Variants in SYT17 observed in about 807,000 individuals in gnomAD.
The protein encoded by SYT17 is synaptotagmin 17.
Under a neutral mutation model 46.7 loss-of-function variants are expected in SYT17, and 22 were observed. That is an observed-to-expected ratio of 0.47 (90% CI 0.34 to 0.67). The LOEUF (loss-of-function observed/expected upper bound fraction) is 0.67, where lower values mean the gene tolerates loss of function less well. Ranked by LOEUF, SYT17 falls within the 30% of genes least tolerant of loss-of-function variation. SYT17 has a pLI of 0.01. For missense variants in SYT17, 519 were observed against 612.8 expected, an observed-to-expected ratio of 0.85 and a Z score of 1.62; for synonymous variants, 251 against 248.4, an observed-to-expected ratio of 1.01 and a Z score of -0.10.
At chr16:19,238,399 G>T (rs1966878292) in intron 7 of SYT17, among the ~76,000 whole-genome samples, 1 of 152,196 alleles carries the variant, frequency 6.6e-6, no homozygotes, top group Non-Finnish European at 1.5e-5. Context: ...TAGCCAGGCG[G>T]TCAGGAGATA....
rs528014728 is a variant in SYT17 at position 19,180,715 on chromosome 16, C to G, written c.331+176C>G. ...GGTGTGACAGAGGAGGGCATCACACCTGATTGCTGCTGAGTTTAATCAAAA... is the reference window on the plus strand; with the variant it reads ...GGTGTGACAGAGGAGGGCATCACACGTGATTGCTGCTGAGTTTAATCAAAA... On this transcript the variant is annotated intron_variant, in intron 4 of 7. Coordinates refer to ENST00000355377, the MANE Select transcript of SYT17 (RefSeq NM_016524.4). Among the ~76,000 whole-genome samples, 5 of 152,240 alleles carry G rather than the reference C, an allele frequency of 3.3e-5. No homozygotes were observed. In the South Asian group the frequency reaches 1.0e-3, roughly 32 times the overall value.
chr16:19,264,306 G>A (rs1048571952), intron 7 of SYT17, among the ~76,000 whole-genome samples: 6 of 152,216 alleles, frequency 3.9e-5, no homozygotes, highest in African/African-American at 1.4e-4. Context: ...GTAAACAAAT[G>A]GGTTTGACTG....
intron 7 of SYT17, among the ~76,000 whole-genome samples, chr16:19,264,058 G>A (rs1263157568): frequency 1.3e-5 from 2 of 152,194 alleles, no homozygotes; most frequent in Admixed American, 1.3e-4. Context: ...ATGCCCCAGA[G>A]AACTAGCCTG....
At position 19,223,108 on chromosome 16, in the gene SYT17, A is replaced by G. The variant is rs1334857933; in HGVS notation, c.1015A>G (p.Asn339Asp). The change falls in exon 6 of 8, where the codon AAT becomes GAT. Residue 339 changes from asparagine (N) to aspartate (D), a missense_variant. Physicochemically the swap from Asn to Asp is conservative, Grantham distance 23 (BLOSUM62 1). Transcript: ENST00000355377. ...LNYLPSAGRL[N>D]VDVIRAKQLL... ...TTATCTCCCAAGTGCTGGCAGACTG[A>G]ATGTTGATGTCATTCGAGCCAAGCA... is the stretch of plus-strand genomic sequence containing the variant. 6.2e-7 allele frequency: 1 copy of G among 1,614,004 alleles called. No homozygotes were observed. Among genetic ancestry groups the G allele is most frequent in the African/African-American group, 1.3e-5 (1 of 75,014 alleles).
At chr16:19,178,989 G>A (rs906871363) in intron 3 of SYT17, among the ~76,000 whole-genome samples, 3 of 151,762 alleles carry the variant, frequency 2.0e-5, no homozygotes, top group South Asian at 4.2e-4. Context: ...TTGAGCCCAG[G>A]AGTTCGAGTC....
At chr16:19,222,918 G>T (rs138198761) in intron 5 of SYT17, 127 bp from the exon 6 acceptor site, 1 of 1,228,150 alleles carries the variant, frequency 8.1e-7, no homozygotes, top group African/African-American at 1.5e-5. Flanking sequence ...ACACACAGAG[G>T]CTCCCACTGT....
chr16:19,185,664 G>C (rs1192999766), intron 5 of SYT17, among the ~76,000 whole-genome samples: 1 of 151,882 alleles, frequency 6.6e-6, no homozygotes, highest in Non-Finnish European at 1.5e-5. Flanking sequence ...CAGAGAAAAT[G>C]GCCTTGGGTC....
intron 5 of SYT17, among the ~76,000 whole-genome samples, chr16:19,185,198 C>T (rs746357710): frequency 1.8e-4 from 27 of 152,082 alleles, no homozygotes; most frequent in South Asian, 4.2e-4. Flanking sequence ...TCTTCCCTTC[C>T]TTCTCTCCCT....
Position 19,173,551 on chromosome 16 carries a change from C to A in SYT17, c.155C>A (p.Pro52His), listed in dbSNP as rs377540756. ...GAGGATGAAGTTGAAATTCTGGGAC[C>A]TTTCCCTGCTCAGACCCCTCCCTGG... The part of the protein sequence containing the change: ...SSEDEVEILG[P>H]FPAQTPPWLM... Residue 52 changes from proline (P) to histidine (H), a missense_variant, in exon 3 of 8, where the codon CCT becomes CAT. Transcript: ENST00000355377. 6.2e-7 allele frequency: 1 copy of A among 1,614,054 alleles called. No homozygotes were observed. Among genetic ancestry groups the A allele is most frequent in the Non-Finnish European group, 8.5e-7 (1 of 1,180,006 alleles).
At chr16:19,236,261 C>A (rs1184943922) in intron 7 of SYT17, among the ~76,000 whole-genome samples, 1 of 152,152 alleles carries the variant, frequency 6.6e-6, no homozygotes, top group East Asian at 1.9e-4. Flanking sequence ...CTTGTCTGAA[C>A]AATGGGGACA....
chr16:19,232,383 C>A (rs1966732530), intron 7 of SYT17, among the ~76,000 whole-genome samples: 1 of 152,124 alleles, frequency 6.6e-6, no homozygotes, highest in African/African-American at 2.4e-5. Flanking sequence ...GACTCAGTAA[C>A]TCAGGAGGCC....
At chr16:19,264,960 C>G (rs1326247770) in intron 7 of SYT17, among the ~76,000 whole-genome samples, 1 of 152,124 alleles carries the variant, frequency 6.6e-6, no homozygotes, top group Admixed American at 6.6e-5. Flanking sequence ...AGGGAAGTTT[C>G]TGCATTGTCA....
At chr16:19,224,517 G>A (rs1406251459) in intron 6 of SYT17, among the ~76,000 whole-genome samples, 166 bp from the exon 7 acceptor site, 1 of 152,160 alleles carries the variant, frequency 6.6e-6, no homozygotes, top group Non-Finnish European at 1.5e-5. Context: ...GGATAAACAG[G>A]TGGATGAATG....
intron 7 of SYT17, among the ~76,000 whole-genome samples, chr16:19,257,133 A>G (rs1968628502): frequency 6.6e-6 from 1 of 152,228 alleles, no homozygotes. Context: ...ACTGATTTTT[A>G]ATTATTATAA....
chr16:19,244,342 A>ATT lies in SYT17; in HGVS notation c.1228+19512_1228+19513dup, dbSNP rs56187042. Among the ~76,000 whole-genome samples the ATT allele has an allele frequency of 4.1e-3, 617 of 150,910 alleles. 9 individuals are homozygous for ATT. The highest frequency in any genetic ancestry group is 6.8e-3 in the Middle Eastern group (2 of 292). On this transcript the variant is annotated intron_variant, in intron 7 of 7. Transcript: ENST00000355377. The stretch of plus-strand genomic sequence containing the variant: ...AAGCTTATTTCTTTTCTTTATTATT[A>ATT]TTTTTTTTTGAGACAGGGTCTTGCT...
chr16:19,173,215 T>C (rs1964171922), intron 2 of SYT17: 1 of 564,638 alleles, frequency 1.8e-6, no homozygotes, highest in East Asian at 2.9e-5. Context: ...TCCAGCGAGT[T>C]GATGTTTGCT....
intron 7 of SYT17, among the ~76,000 whole-genome samples, chr16:19,249,189 G>C (rs2142993555): frequency 6.6e-6 from 1 of 152,134 alleles, no homozygotes; most frequent in East Asian, 1.9e-4. Flanking sequence ...CAGGAGAATG[G>C]TGTGAACCCA....
rs1470118174 is a variant in SYT17 at position 19,168,798 on chromosome 16, G to T, written c.15+137G>T. ...TTCGAGAAAAAGGGTGCCCGTGCGC[G>T]GGCAACCTGTGCAGCAACAGGGGTG... On this transcript the variant is annotated intron_variant, in intron 1 of 7. Transcript: ENST00000355377. The surrounding 1 kb of genome is among the most constrained non-coding windows in gnomAD (Gnocchi z 6.9). The T allele has an allele frequency of 1.8e-5, 21 of 1,179,418 alleles. No individual in the cohort carries two copies. Among genetic ancestry groups the T allele is most frequent in the Non-Finnish European group, 2.4e-5 (21 of 872,108 alleles). 73.1% of individuals were successfully genotyped at this position (1,179,418 alleles called of 1,614,324 possible). A position where few individuals can be genotyped will look rare whatever the true frequency, so the allele number is the denominator to read the frequency against.
At chr16:19,236,154 T>C (rs568078380) in intron 7 of SYT17, among the ~76,000 whole-genome samples, 2 of 152,280 alleles carry the variant, frequency 1.3e-5, no homozygotes, top group Non-Finnish European at 2.9e-5. Context: ...TAGCAATTCA[T>C]GAGGAAGCTG....
Sources: allele counts gnomAD v4.1 joint callset (sites outside exome capture counted in the v4.1 genomes callset), GRCh38; gene constraint gnomAD v4.1.1; non-coding constraint Gnocchi (gnomAD v3.1); transcripts MANE v1.5; gene names NCBI Gene and HGNC (gene_info 2026-07-23, HGNC 2026-07-21).